Variants in ZNF274 observed in about 807,000 individuals in gnomAD.
The protein encoded by ZNF274 is neurotrophin receptor-interacting factor homolog.
Under a neutral mutation model 42.5 loss-of-function variants are expected in ZNF274, and 23 were observed. The ratio of observed to expected loss-of-function variants is 0.54; its 90% CI spans 0.39 to 0.77. The LOEUF (loss-of-function observed/expected upper bound fraction) is 0.77, where lower values mean the gene tolerates loss of function less well. Among genes scored for constraint, ZNF274 ranks in the 30% least tolerant of loss-of-function variants. ZNF274 has a pLI of 0.00. For missense variants in ZNF274, 679 were observed against 806.5 expected (o/e 0.84, Z 1.91); for synonymous variants, 292 against 305.4 (o/e 0.96, Z 0.46).
rs1036925871 is a variant in ZNF274 at position 58,183,282 on chromosome 19, T to C, written c.-206T>C. On this transcript the variant is annotated 5_prime_UTR_variant, in exon 1 of 8. Transcript: ENST00000617501. ...ATCGACGAGTATCCTCCTCCTGCTG[T>C]CCCCGGCTTCGCCTGCCGCCCCTAA... The C allele has an allele frequency of 2.0e-5, 3 of 152,352 alleles. No homozygotes were observed. Among genetic ancestry groups the C allele is most frequent in the African/African-American group, 7.2e-5 (3 of 41,456 alleles). The allele number at this position is 152,352 out of a possible 1,614,324, so 9.4% of individuals were successfully genotyped here. A position where few individuals can be genotyped will look rare whatever the true frequency, so the allele number is the denominator to read the frequency against.
intron 1 of ZNF274, 175 bp from the exon 2 acceptor site, chr19:58,183,746 G>A (rs2075660157): frequency 9.3e-6 from 5 of 537,342 alleles, no homozygotes; most frequent in Admixed American, 3.4e-5. Context: ...TCTCGGGGAG[G>A]GGAAAACTGG....
chr19:58,193,039 ATTTTT>A (rs918763792), intron 4 of ZNF274, among the ~76,000 whole-genome samples: 3 of 143,672 alleles, frequency 2.1e-5, no homozygotes, highest in African/African-American at 7.6e-5. Context: ...CACATCATTC[ATTTTT>A]TTTTTTCCCT....
chr19:58,204,049 A>T (rs1348515418), intron 4 of ZNF274, among the ~76,000 whole-genome samples: 1 of 152,184 alleles, frequency 6.6e-6, no homozygotes, highest in Admixed American at 6.5e-5. Flanking sequence ...CAGCGCGCAA[A>T]CGGGAAGCCC....
In ZNF274 at chr19:58,212,001, C is replaced by T. The variant is rs77762021; in HGVS notation, c.980-160C>T. On this transcript the variant is annotated intron_variant, in intron 7 of 7. Transcript: ENST00000617501. The surrounding 1 kb of genome is among the most constrained non-coding windows in gnomAD (Gnocchi z 4.6). ...TTCACCAAGGTCAGTGCTCCCCTCC[C>T]TGCCGCTTCATTGCTTTTCAGTCTC... 6.9e-3 allele frequency among the ~76,000 whole-genome samples: 1,048 copies of T among 152,296 alleles called. 8 individuals carry two copies. Among genetic ancestry groups the T allele is most frequent in the African/African-American group, 0.023 (936 of 41,552 alleles).
In ZNF274 at chr19:58,212,122, C is replaced by T. The variant is rs1437198264; in HGVS notation, c.980-39C>T. On this transcript the variant is annotated intron_variant, in intron 7 of 7. Transcript: ENST00000617501. The surrounding 1 kb of genome is among the most constrained non-coding windows in gnomAD (Gnocchi z 4.6). ...TGCTCTCAGACCCATCCCAGCACAT[C>T]TCTCTATGGGATCCACATCTTTTGT... is the stretch of plus-strand genomic sequence containing the variant. 6.4e-7 allele frequency: 1 copy of T among 1,555,518 alleles called. No homozygotes were observed. The highest frequency in any genetic ancestry group is 1.4e-5 in the African/African-American group (1 of 73,040).
chr19:58,202,696 AT>A (rs1229607306), intron 4 of ZNF274, among the ~76,000 whole-genome samples: 1 of 152,176 alleles, frequency 6.6e-6, no homozygotes, highest in East Asian at 1.9e-4. Flanking sequence ...AAGAGCTTCC[AT>A]TTTCTCCTCC....
In ZNF274 at chr19:58,207,161, T is replaced by G. The variant is rs779441981; in HGVS notation, c.698T>G (p.Val233Gly). 1 of 1,613,136 alleles carries G rather than the reference T, an allele frequency of 6.2e-7. No individual in the cohort carries two copies. Among genetic ancestry groups the G allele is most frequent in the South Asian group, 1.1e-5 (1 of 90,908 alleles). ...SQHPENCQEVVALVEGVTWMS... is the reference protein window; with the variant it reads ...SQHPENCQEVGALVEGVTWMS... ...CACCCAGAGAACTGCCAAGAGGTGG[T>G]GGCCCTGGTAGAGGGTGTGACCTGG... The change falls in exon 5 of 8, where the codon GTG (valine) becomes GGG (glycine). Residue 233 changes from valine (V) to glycine (G), a missense_variant. Val to Gly is a moderately radical substitution (Grantham distance 109, BLOSUM62 -3). Transcript: ENST00000617501. This position sits in a 1 kb window ranked among gnomAD's most constrained non-coding sequence, Gnocchi z 5.6.
intron 4 of ZNF274, among the ~76,000 whole-genome samples, chr19:58,187,636 T>G (rs2075716101): frequency 6.6e-6 from 1 of 152,204 alleles, no homozygotes; most frequent in South Asian, 2.1e-4. Flanking sequence ...CAGGCTGGTC[T>G]TGAACTCCTG....
intron 4 of ZNF274, among the ~76,000 whole-genome samples, chr19:58,200,467 G>A (rs2075896652): frequency 6.6e-6 from 1 of 152,210 alleles, no homozygotes; most frequent in South Asian, 2.1e-4. Context: ...GGGATACATT[G>A]GTGGGGGACA....
rs1180892792 is a variant in ZNF274, at chr19:58,186,953, A to G, written c.167A>G (p.Gln56Arg). The G allele has an allele frequency of 1.2e-6, 2 of 1,613,476 alleles. No homozygotes were observed. The highest frequency in any genetic ancestry group is 1.6e-4 in the Middle Eastern group (1 of 6,062). ...TCTCTTTTCCTTTGAGCAGAACATC[A>G]GCTTTCCAAACCAGATGTGGTATCT... ...NYRNLVSVEH[Q>R]LSKPDVVSQL... The change falls in exon 4 of 8, where the codon CAG (glutamine) becomes CGG (arginine). Residue 56 changes from glutamine (Q) to arginine (R), a missense_variant. By Grantham distance (43) the Gln-to-Arg change is conservative. Coordinates refer to ENST00000617501, the MANE Select transcript of ZNF274 (RefSeq NM_133502.3).
rs1204149244 is a variant in ZNF274, at chr19:58,213,066, A to C, written c.1885A>C (p.Thr629Pro). ...YACNKCGKAFTQSSHLIGHQR... is the reference protein window; with the variant it reads ...YACNKCGKAFPQSSHLIGHQR... ...ATGCAACAAATGTGGAAAGGCCTTC[A>C]CCCAGAGCTCACACCTTATTGGGCA... Residue 629 changes from threonine (T) to proline (P), a missense_variant, in exon 8 of 8, where the codon ACC becomes CCC. By Grantham distance (38) the Thr-to-Pro change is conservative. This residue lies in a region of ZNF274 where 456 missense variants were observed against 590.1 expected (regional missense o/e 0.77). Transcript: ENST00000617501. 1 of 1,614,090 alleles carries C rather than the reference A, an allele frequency of 6.2e-7. No homozygotes were observed. The highest frequency in any genetic ancestry group is 8.5e-7 in the Non-Finnish European group (1 of 1,179,956).
intron 3 of ZNF274, 59 bp from the exon 4 acceptor site, chr19:58,186,888 G>C: frequency 2.7e-6 from 4 of 1,464,146 alleles, no homozygotes; most frequent in Non-Finnish European, 3.8e-6. Flanking sequence ...GCTGCAGTAG[G>C]ATAGCATTTT....
At chr19:58,201,644 G>A (rs1391222104) in intron 4 of ZNF274, among the ~76,000 whole-genome samples, 1 of 151,868 alleles carries the variant, frequency 6.6e-6, no homozygotes. Context: ...AGCCTCCCAG[G>A]TAGCTGGGAC....
At chr19:58,194,885 C>T (rs936459294) in intron 4 of ZNF274, among the ~76,000 whole-genome samples, 7 of 151,948 alleles carry the variant, frequency 4.6e-5, no homozygotes, top group Non-Finnish European at 8.8e-5. Flanking sequence ...CCAGTAGTCC[C>T]AGCTACTCAG....
chr19:58,207,295 C>T lies in ZNF274; in HGVS notation c.739+93C>T. ...AGAACTCCAGGCTTCCTAGGAAGGTCATGGGAAGGATTGTGTCCGCTCCAT... is the reference window on the plus strand; with the variant it reads ...AGAACTCCAGGCTTCCTAGGAAGGTTATGGGAAGGATTGTGTCCGCTCCAT... On this transcript the variant is annotated intron_variant, in intron 5 of 7. Transcript: ENST00000617501. The surrounding 1 kb of genome is among the most constrained non-coding windows in gnomAD (Gnocchi z 5.6). 1 of 1,473,954 alleles carries T rather than the reference C, an allele frequency of 6.8e-7. No individual in the cohort carries two copies. The highest frequency in any genetic ancestry group is 9.0e-7 in the Non-Finnish European group (1 of 1,110,498). 91.3% of individuals were successfully genotyped at this position (1,473,954 alleles called of 1,614,324 possible).
intron 4 of ZNF274, among the ~76,000 whole-genome samples, chr19:58,197,874 T>G (rs988416506): frequency 2.6e-5 from 4 of 152,184 alleles, no homozygotes; most frequent in Non-Finnish European, 4.4e-5. Flanking sequence ...GAAGAACACT[T>G]TACATTCTCT....
intron 4 of ZNF274, among the ~76,000 whole-genome samples, chr19:58,199,054 C>T (rs2075877446): frequency 6.6e-6 from 1 of 151,760 alleles, no homozygotes; most frequent in South Asian, 2.1e-4. Flanking sequence ...GGGTGCGCAC[C>T]TCTGAAATAC....
At chr19:58,190,649 C>A (rs893844909) in intron 4 of ZNF274, among the ~76,000 whole-genome samples, 2 of 152,162 alleles carry the variant, frequency 1.3e-5, no homozygotes, top group African/African-American at 4.8e-5. Context: ...AGTTTTGTAA[C>A]GTGCTGCTGG....
At chr19:58,196,687 G>T (rs761844545) in intron 4 of ZNF274, among the ~76,000 whole-genome samples, 3 of 152,194 alleles carry the variant, frequency 2.0e-5, no homozygotes, top group Non-Finnish European at 4.4e-5. Flanking sequence ...TCCATCCTTT[G>T]TATAGCTTGA....
Sources: allele counts gnomAD v4.1 joint callset (sites outside exome capture counted in the v4.1 genomes callset), GRCh38; gene constraint gnomAD v4.1.1; regional missense constraint gnomAD v4.1.1; non-coding constraint Gnocchi (gnomAD v3.1); transcripts MANE v1.5; gene names NCBI Gene and HGNC (gene_info 2026-07-23, HGNC 2026-07-21).